Variants in CUBN observed in about 807,000 individuals in gnomAD.
CUBN encodes the protein 460 kDa receptor.
A neutral mutation model predicts 405.3 loss-of-function variants in CUBN; 282 were observed. That is an observed-to-expected ratio of 0.70 (90% CI 0.63 to 0.77). The LOEUF (loss-of-function observed/expected upper bound fraction) is 0.77. Among genes scored for constraint, CUBN ranks in the 30% least tolerant of loss-of-function variants. CUBN has a pLI of 0.00. For synonymous variants in CUBN, 1,684 were observed against 1,617.0 expected, an observed-to-expected ratio of 1.04 and a Z score of -0.99; for missense variants, 4,514 against 4,475.2, an observed-to-expected ratio of 1.01 and a Z score of -0.25.
At chr10:17,017,587 T>C (rs1354572849) in intron 28 of CUBN, among the ~76,000 whole-genome samples, 2 of 152,190 alleles carry the variant, frequency 1.3e-5, no homozygotes, top group Non-Finnish European at 2.9e-5. Context: ...GGATACAATT[T>C]CTGATGCTAC....
intron 54 of CUBN, among the ~76,000 whole-genome samples, chr10:16,893,069 G>A (rs765110408): frequency 6.6e-6 from 1 of 152,184 alleles, no homozygotes; most frequent in Non-Finnish European, 1.5e-5. Flanking sequence ...CTATATGACA[G>A]AGGACTCATC....
At chr10:17,067,142 G>A (rs563290696) in intron 21 of CUBN, among the ~76,000 whole-genome samples, 8 of 152,190 alleles carry the variant, frequency 5.3e-5, no homozygotes, top group South Asian at 4.1e-4. Flanking sequence ...ATGAAAAGAC[G>A]TGGGAAAGTA....
At chr10:17,073,386 G>GA (rs1009767089) in intron 17 of CUBN, among the ~76,000 whole-genome samples, 3 of 140,574 alleles carry the variant, frequency 2.1e-5, no homozygotes, top group South Asian at 2.2e-4. Flanking sequence ...TGTTTTATTA[G>GA]AAAAAAAAGG....
At chr10:16,961,749 T>G (rs1028967609) in intron 31 of CUBN, among the ~76,000 whole-genome samples, 2 of 123,214 alleles carry the variant, frequency 1.6e-5, no homozygotes, top group African/African-American at 6.3e-5. Context: ...TCTCGCTCTG[T>G]GGCCCAGGCT....
intron 31 of CUBN, among the ~76,000 whole-genome samples, chr10:16,960,642 C>T (rs562869736): frequency 2.0e-5 from 3 of 152,164 alleles, no homozygotes; most frequent in Non-Finnish European, 4.4e-5. Flanking sequence ...ATGACAGTTG[C>T]TGGTCTCTAA....
chr10:17,089,862 T>C (rs1044059845), intron 14 of CUBN, among the ~76,000 whole-genome samples: 1 of 152,140 alleles, frequency 6.6e-6, no homozygotes, highest in African/African-American at 2.4e-5. Flanking sequence ...TGATGTCTCA[T>C]GCTTGTAGTC....
chr10:16,892,394 CT>C (rs947538946), intron 54 of CUBN, among the ~76,000 whole-genome samples: 3 of 152,048 alleles, frequency 2.0e-5, no homozygotes, highest in South Asian at 4.1e-4. Context: ...AGATTTCCCC[CT>C]AATAATATAT....
Position 17,006,989 on chromosome 10 carries a change from C to T in CUBN, c.4168+12844G>A, listed in dbSNP as rs148333431. On this transcript the variant is annotated intron_variant, in intron 28 of 66. Coordinates refer to ENST00000377833, the MANE Select transcript of CUBN (RefSeq NM_001081.4). ...CCTGCAAGCTCCCAGCTGAAGGGTT[C>T]GCTCCCTTTGCAAATGTCACTCTCT... Among the ~76,000 whole-genome samples the T allele has an allele frequency of 4.3e-4, 65 of 152,252 alleles. No homozygotes were observed. In the East Asian group the frequency reaches 9.9e-3, roughly 23 times the overall value.
Position 17,068,236 on chromosome 10 carries a change from G to A in CUBN, c.2836C>T (p.Pro946Ser), listed in dbSNP as rs1438470328. 3.1e-6 allele frequency: 5 copies of A among 1,613,648 alleles called. No individual in the cohort carries two copies. Among genetic ancestry groups the A allele is most frequent in the Non-Finnish European group, 4.2e-6 (5 of 1,179,674 alleles). The change falls in exon 21 of 67, where the codon CCT becomes TCT. Residue 946 changes from proline (P) to serine (S), a missense_variant. Pro to Ser is a moderately conservative substitution (Grantham distance 74). Around this residue, in one of 5 missense-constraint regions of CUBN, gnomAD observed 1,448 missense variants for 1,388.0 expected, o/e 1.04. Transcript: ENST00000377833. ...TGGGGGTAGACATTTGGATGGCCAG[G>A]ACTTTGAATGGTCCCTGTTGATTCT... ...LTESTGTIQS[P>S]GHPNVYPHGI...
At chr10:16,826,826 C>T (rs1163329368) in intron 66 of CUBN, among the ~76,000 whole-genome samples, 1 of 152,128 alleles carries the variant, frequency 6.6e-6, no homozygotes, top group African/African-American at 2.4e-5. Flanking sequence ...GGGAGTGTCA[C>T]TGTGGGGATC....
chr10:16,831,870 T>C (rs1839011358), intron 64 of CUBN, among the ~76,000 whole-genome samples: 1 of 152,144 alleles, frequency 6.6e-6, no homozygotes, highest in Admixed American at 6.6e-5. Context: ...GTGCACGTGT[T>C]TCCCATTGAA....
At chr10:17,097,108 A>G (rs1460034818) in intron 14 of CUBN, among the ~76,000 whole-genome samples, 3 of 152,132 alleles carry the variant, frequency 2.0e-5, no homozygotes, top group Non-Finnish European at 2.9e-5. Context: ...ACCATGAGGA[A>G]AATCAATGAA....
intron 48 of CUBN, among the ~76,000 whole-genome samples, chr10:16,909,539 G>T (rs1841662095): frequency 6.6e-6 from 1 of 152,170 alleles, no homozygotes; most frequent in Admixed American, 6.5e-5. Flanking sequence ...AACAGGAATG[G>T]GCACCACATT....
chr10:16,825,628 A>AGTGTGTGT (rs377156071), intron 66 of CUBN, among the ~76,000 whole-genome samples: 5,760 of 135,904 alleles, frequency 0.042, 164 homozygotes, highest in African/African-American at 0.06. Flanking sequence ...TCTGTGGAAC[A>AGTGTGTGT]GTGTGTGTGT....
intron 9 of CUBN, 90 bp downstream of exon 9, chr10:17,110,829 C>T: frequency 6.3e-7 from 1 of 1,590,110 alleles, no homozygotes; most frequent in Non-Finnish European, 8.6e-7. Context: ...AGCCAGAAAT[C>T]ATATTTTAAA....
intron 38 of CUBN, 108 bp from the exon 39 acceptor site, chr10:16,937,892 A>G: frequency 1.1e-6 from 1 of 950,930 alleles, no homozygotes; most frequent in Non-Finnish European, 1.6e-6. Context: ...CATAACAAAA[A>G]AATGACAAAT....
chr10:17,085,234 G>C (rs1836079477), intron 16 of CUBN, among the ~76,000 whole-genome samples: 1 of 152,140 alleles, frequency 6.6e-6, no homozygotes, highest in African/African-American at 2.4e-5. Context: ...TGTGCAGCTG[G>C]ACTTGACCCG....
At chr10:16,831,466 G>A (rs1404223428) in intron 64 of CUBN, 49 bp from the exon 65 acceptor site, 9 of 1,470,500 alleles carry the variant, frequency 6.1e-6, no homozygotes, top group Middle Eastern at 1.7e-4. Context: ...CTTCTCTAAG[G>A]TATATACATT....
rs1231105314 is a variant in CUBN at position 16,874,371 on chromosome 10, T to C, written c.9236+3A>G. 1 of 1,614,170 alleles carries C rather than the reference T, an allele frequency of 6.2e-7. No homozygotes were observed. Among genetic ancestry groups the C allele is most frequent in the South Asian group, 1.1e-5 (1 of 91,086 alleles). On this transcript the variant is annotated splice_donor_region_variant and intron_variant, in intron 58 of 66. Transcript: ENST00000377833. ...CTTAAGAAAGCCAATTTGTCTTACG[T>C]ACTTGAGCTCGATCACCTTGTCGTC...
Sources: gnomAD v4.1 joint callset for allele counts (sites outside exome capture counted in the v4.1 genomes callset) on GRCh38, gnomAD v4.1.1 for gene constraint, gnomAD v4.1.1 regional missense constraint, MANE v1.5 for transcripts, NCBI Gene and HGNC (gene_info 2026-07-23, HGNC 2026-07-21) for gene names.